CPNE4: variants seen among roughly 807,000 people sequenced by gnomAD.
CPNE4 encodes copine-4.
A neutral mutation model predicts 67.9 loss-of-function variants in CPNE4; 25 were observed. The ratio of observed to expected loss-of-function variants is 0.37; its 90% CI spans 0.27 to 0.51. The LOEUF is 0.51. Among genes scored for constraint, CPNE4 ranks in the 20% least tolerant of loss-of-function variants. The pLI is 0.93. For synonymous variants in CPNE4, 242 were observed against 244.9 expected (o/e 0.99, Z 0.11); for missense variants, 464 against 690.8 (o/e 0.67, Z 3.68).
rs959067933 is a variant in CPNE4, at chr3:131,984,508, G to A, written c.-2+50059C>T. Among the ~76,000 whole-genome samples, 12 of 152,166 alleles carry A rather than the reference G, an allele frequency of 7.9e-5. No individual in the cohort carries two copies. The East Asian group carries it at 2.1e-3, about 27-fold the overall frequency. ...CCCCACCTCTATCAAAGTAGTTGAT[G>A]TGTAAACAAGCTTCTGGCATGAAAA... is the stretch of plus-strand genomic sequence containing the variant. On this transcript the variant is annotated intron_variant, in intron 1 of 15. Coordinates refer to ENST00000429747, the MANE Select transcript of CPNE4 (RefSeq NM_130808.3).
At chr3:131,814,170 C>T (rs1476058365) in intron 2 of CPNE4, among the ~76,000 whole-genome samples, 2 of 152,126 alleles carry the variant, frequency 1.3e-5, no homozygotes, top group Admixed American at 6.5e-5. Context: ...AGGTAATTCT[C>T]CAATAACAAA....
At chr3:131,782,176 G>A (rs1341557320) in intron 2 of CPNE4, among the ~76,000 whole-genome samples, 1 of 152,024 alleles carries the variant, frequency 6.6e-6, no homozygotes, top group African/African-American at 2.4e-5. Flanking sequence ...AGGAGGTCAA[G>A]CTTTGTAGCA....
At chr3:131,734,715 T>C (rs1434006290) in intron 2 of CPNE4, among the ~76,000 whole-genome samples, 1 of 151,998 alleles carries the variant, frequency 6.6e-6, no homozygotes, top group Non-Finnish European at 1.5e-5. Context: ...CGAGACCTTG[T>C]CTCTACTAGA....
At chr3:131,954,355 C>T (rs555101389) in intron 1 of CPNE4, among the ~76,000 whole-genome samples, 164 of 152,236 alleles carry the variant, frequency 1.1e-3, no homozygotes, top group African/African-American at 3.8e-3. Flanking sequence ...ACCACATACA[C>T]ACATAAATAC....
intron 10 of CPNE4, among the ~76,000 whole-genome samples, chr3:131,570,071 G>A (rs1253274859): frequency 6.6e-6 from 1 of 151,228 alleles, no homozygotes; most frequent in Admixed American, 6.6e-5. Context: ...CTAAACCTTA[G>A]AATTATAATT....
intron 13 of CPNE4, among the ~76,000 whole-genome samples, chr3:131,551,995 A>G (rs1217482100): frequency 1.3e-5 from 2 of 151,092 alleles, no homozygotes; most frequent in Non-Finnish European, 3.0e-5. Flanking sequence ...TCCTTGGCCG[A>G]TATGCCGAAA....
intron 15 of CPNE4, 101 bp downstream of exon 15, chr3:131,542,456 A>T: frequency 1.2e-6 from 1 of 844,746 alleles, no homozygotes; most frequent in Non-Finnish European, 2.0e-6. Flanking sequence ...TGTTGCTTCA[A>T]GAATGGTGGA....
intron 1 of CPNE4, among the ~76,000 whole-genome samples, chr3:131,942,003 G>A (rs1303682531): frequency 1.3e-5 from 2 of 151,706 alleles, no homozygotes; most frequent in Non-Finnish European, 2.9e-5. Flanking sequence ...GAAATATTTG[G>A]ATTCCTTTTA....
chr3:131,750,651 C>A (rs1330859182), intron 2 of CPNE4, among the ~76,000 whole-genome samples: 1 of 152,108 alleles, frequency 6.6e-6, no homozygotes, highest in Admixed American at 6.5e-5. Flanking sequence ...CCACATCATA[C>A]AGTGTTACAA....
At chr3:131,947,681 G>T (rs2071594280) in intron 1 of CPNE4, among the ~76,000 whole-genome samples, 1 of 152,080 alleles carries the variant, frequency 6.6e-6, no homozygotes, top group East Asian at 1.9e-4. Context: ...ATTGTAAACG[G>T]TGCTGCAATA....
At chr3:131,871,522 G>A (rs2087203590) in intron 2 of CPNE4, among the ~76,000 whole-genome samples, 1 of 152,056 alleles carries the variant, frequency 6.6e-6, no homozygotes, top group Non-Finnish European at 1.5e-5. Context: ...CTGGAAGCAT[G>A]CGCTATCCTG....
intron 2 of CPNE4, among the ~76,000 whole-genome samples, chr3:131,876,739 GTTA>G (rs2087475709): frequency 6.6e-6 from 1 of 151,994 alleles, no homozygotes; most frequent in African/African-American, 2.4e-5. Context: ...TTTGCTAAAG[GTTA>G]ATCTATGTAG....
chr3:131,867,971 A>G (rs2087029096), intron 2 of CPNE4, among the ~76,000 whole-genome samples: 1 of 152,106 alleles, frequency 6.6e-6, no homozygotes, highest in Non-Finnish European at 1.5e-5. Context: ...GAAATGGACA[A>G]CCCTAGTTCC....
intron 1 of CPNE4, among the ~76,000 whole-genome samples, chr3:132,008,873 C>G (rs909395748): frequency 1.3e-5 from 2 of 152,200 alleles, no homozygotes; most frequent in African/African-American, 4.8e-5. Flanking sequence ...AGGCAGTCCA[C>G]TTTTCTAGAA....
At position 131,731,401 on chromosome 3, in the gene CPNE4, G is replaced by A. The variant is rs566428511; in HGVS notation, c.181-7776C>T. On this transcript the variant is annotated intron_variant, in intron 2 of 15. Transcript: ENST00000429747. ...ATGTTCTGGGTCTTCCCCTTCCTTC[G>A]TTGGCCTCCTCAGTACCTTCAAGCT... 7.9e-5 allele frequency among the ~76,000 whole-genome samples: 12 copies of A among 152,240 alleles called. No homozygotes were observed. The South Asian group carries it at 1.0e-3, about 13-fold the overall frequency.
intron 1 of CPNE4, among the ~76,000 whole-genome samples, chr3:132,001,105 T>C (rs2073419946): frequency 6.6e-6 from 1 of 151,974 alleles, no homozygotes; most frequent in African/African-American, 2.4e-5. Flanking sequence ...ATATTGTAGA[T>C]GCAAGAGTTA....
At chr3:131,702,404 GT>G (rs2081323187) in intron 3 of CPNE4, among the ~76,000 whole-genome samples, 1 of 152,162 alleles carries the variant, frequency 6.6e-6, no homozygotes. Context: ...TTCTCTGCAC[GT>G]TTTTTCCAGC....
chr3:131,794,908 CAA>C (rs2083877707), intron 2 of CPNE4, among the ~76,000 whole-genome samples: 1 of 152,170 alleles, frequency 6.6e-6, no homozygotes, highest in African/African-American at 2.4e-5. Flanking sequence ...TTCCTTAGGG[CAA>C]AGTCAGCCCA....
intron 3 of CPNE4, among the ~76,000 whole-genome samples, chr3:131,718,442 T>A (rs1452159981): frequency 1.3e-5 from 2 of 152,174 alleles, no homozygotes; most frequent in Non-Finnish European, 2.9e-5. Flanking sequence ...CCTTTTCACA[T>A]CCTCACTTGA....
Sources: gnomAD v4.1 joint callset for allele counts (sites outside exome capture counted in the v4.1 genomes callset) on GRCh38, gnomAD v4.1.1 for gene constraint, MANE v1.5 for transcripts, NCBI Gene and HGNC (gene_info 2026-07-23, HGNC 2026-07-21) for gene names.